Variants in METTL24 observed in about 807,000 individuals in gnomAD.
The protein encoded by METTL24 is probable methyltransferase-like protein 24.
In METTL24, 29 loss-of-function variants were observed where a neutral mutation model predicts 32.7. That is an observed-to-expected ratio of 0.89 (90% confidence interval 0.66 to 1.21). The LOEUF (loss-of-function observed/expected upper bound fraction) is 1.21. Ranked by LOEUF, METTL24 falls within the 50% of genes most tolerant of loss-of-function variation. The pLI is 0.00. For missense variants in METTL24, 439 were observed against 468.1 expected (o/e 0.94, Z 0.57); for synonymous variants, 163 against 179.5 (o/e 0.91, Z 0.73).
intron 1 of METTL24, among the ~76,000 whole-genome samples, chr6:110,325,990 G>T (rs763249762): frequency 7.2e-5 from 11 of 152,178 alleles, no homozygotes; most frequent in Non-Finnish European, 1.3e-4. Context: ...GGCCTCAAAG[G>T]CGAGTTCTCT....
chr6:110,324,010 G>T (rs183330553), intron 1 of METTL24, among the ~76,000 whole-genome samples: 8 of 152,262 alleles, frequency 5.3e-5, no homozygotes, highest in African/African-American at 1.7e-4. Flanking sequence ...CAGGCCAGCC[G>T]TGAGATGCTT....
rs149220427 is a variant in METTL24 at position 110,286,103 on chromosome 6, T to C, written c.786+12819A>G. Among the ~76,000 whole-genome samples the C allele has an allele frequency of 3.1e-3, 477 of 152,326 alleles. 3 individuals are homozygous for C. Among genetic ancestry groups the C allele is most frequent in the African/African-American group, 0.01 (428 of 41,592 alleles). On this transcript the variant is annotated intron_variant, in intron 4 of 4. Transcript: ENST00000338882. ...AACATTCTCCAGTGGCAAGGGTTCA[T>C]ATCATGCACCTTACAATAGGAGAAA... is the stretch of plus-strand genomic sequence containing the variant.
At chr6:110,333,579 C>T (rs6919817) in intron 1 of METTL24, among the ~76,000 whole-genome samples, 3,157 of 152,122 alleles carry the variant, frequency 0.021, 104 homozygotes, top group African/African-American at 0.072. Flanking sequence ...CTCAGCTTCC[C>T]GAGTAGCTGG....
chr6:110,248,616 A>G (rs1483580461), intron 4 of METTL24, among the ~76,000 whole-genome samples: 1 of 152,068 alleles, frequency 6.6e-6, no homozygotes. Context: ...AATACACACC[A>G]GGCTAAAATA....
chr6:110,351,581 A>C (rs1772604460), intron 1 of METTL24, among the ~76,000 whole-genome samples: 2 of 152,246 alleles, frequency 1.3e-5, no homozygotes, highest in Non-Finnish European at 2.9e-5. Flanking sequence ...TGAGAAAAAC[A>C]AAAACCTAAG....
At position 110,245,287 on chromosome 6, in the gene METTL24, G is replaced by T. The variant is rs539574000; in HGVS notation, c.*659C>A. Among the ~76,000 whole-genome samples, 2 of 152,268 alleles carry T rather than the reference G, an allele frequency of 1.3e-5. No individual in the cohort carries two copies. The highest frequency in any genetic ancestry group is 6.5e-5 in the Admixed American group (1 of 15,292). ...TCTTCAAGCTGGGACATGGGTCTTG[G>T]TGAGGTCAAGACCTTCAGACTTGGT... On this transcript the variant is annotated 3_prime_UTR_variant, in exon 5 of 5. Transcript: ENST00000338882.
chr6:110,349,012 C>T (rs1772538808), intron 1 of METTL24, among the ~76,000 whole-genome samples: 2 of 152,184 alleles, frequency 1.3e-5, no homozygotes, highest in South Asian at 2.1e-4. Context: ...TTTTAGATCT[C>T]GGTCCCCTGA....
intron 1 of METTL24, among the ~76,000 whole-genome samples, chr6:110,346,904 A>G (rs1772487415): frequency 6.6e-6 from 1 of 152,096 alleles, no homozygotes; most frequent in Non-Finnish European, 1.5e-5. Context: ...CTTATTAATC[A>G]TCGTTATATG....
At chr6:110,324,037 T>A (rs1394675182) in intron 1 of METTL24, among the ~76,000 whole-genome samples, 1 of 152,078 alleles carries the variant, frequency 6.6e-6, no homozygotes, top group Non-Finnish European at 1.5e-5. Context: ...AAATGTGGTT[T>A]GTTGCCCCTA....
At chr6:110,302,611 A>ATG (rs760348447) in intron 3 of METTL24, among the ~76,000 whole-genome samples, 1 of 120,742 alleles carries the variant, frequency 8.3e-6, no homozygotes, top group Admixed American at 7.7e-5. Flanking sequence ...ACACACACAT[A>ATG]TGTGTATATA....
chr6:110,288,153 C>T (rs535166703), intron 4 of METTL24, among the ~76,000 whole-genome samples: 22 of 152,272 alleles, frequency 1.4e-4, no homozygotes, highest in African/African-American at 5.1e-4. Flanking sequence ...GCAGGGACTG[C>T]GTTCAAGTCT....
intron 1 of METTL24, among the ~76,000 whole-genome samples, chr6:110,331,489 T>C (rs1390944889): frequency 6.6e-6 from 1 of 151,654 alleles, no homozygotes; most frequent in Non-Finnish European, 1.5e-5. Context: ...CGAGACCCTG[T>C]CTCTACAAAA....
chr6:110,328,441 A>G (rs1772053491), intron 1 of METTL24, among the ~76,000 whole-genome samples: 1 of 152,200 alleles, frequency 6.6e-6, no homozygotes, highest in African/African-American at 2.4e-5. Context: ...TTTAGTGGCT[A>G]TTTTGCAGAT....
intron 1 of METTL24, among the ~76,000 whole-genome samples, chr6:110,330,856 A>G (rs1169416261): frequency 6.6e-6 from 1 of 152,186 alleles, no homozygotes; most frequent in Non-Finnish European, 1.5e-5. Context: ...TAATATTCAA[A>G]TTTTCAGGAT....
At chr6:110,345,166 A>G (rs1772445950) in intron 1 of METTL24, among the ~76,000 whole-genome samples, 1 of 152,262 alleles carries the variant, frequency 6.6e-6, no homozygotes, top group African/African-American at 2.4e-5. Flanking sequence ...CAGCAAGCAT[A>G]TGAAAAAAAA....
rs1050799331 is a variant in METTL24 at position 110,342,304 on chromosome 6, G to A, written c.318+15651C>T. Among the ~76,000 whole-genome samples the A allele has an allele frequency of 3.6e-4, 55 of 152,156 alleles. 1 individual carries two copies. The highest frequency in any genetic ancestry group is 1.2e-3 in the African/African-American group (49 of 41,426). ...ATGCCTGGGGAGCTGTTGGGAGAGG[G>A]AGCACCATGAAGTTCACCAGCAGCC... On this transcript the variant is annotated intron_variant, in intron 1 of 4. Coordinates refer to ENST00000338882, the MANE Select transcript of METTL24 (RefSeq NM_001123364.3).
intron 4 of METTL24, among the ~76,000 whole-genome samples, chr6:110,266,681 GA>G (rs1450764155): frequency 6.6e-6 from 1 of 152,038 alleles, no homozygotes; most frequent in Non-Finnish European, 1.5e-5. Flanking sequence ...CCTTTGGGCT[GA>G]AAAATCTCAG....
chr6:110,320,314 C>T (rs532664448), intron 2 of METTL24, among the ~76,000 whole-genome samples: 8 of 152,120 alleles, frequency 5.3e-5, no homozygotes, highest in Non-Finnish European at 1.2e-4. Flanking sequence ...TAATATTCTG[C>T]CAGTTTCGTA....
chr6:110,260,305 C>G (rs1778469556), intron 4 of METTL24, among the ~76,000 whole-genome samples: 1 of 152,188 alleles, frequency 6.6e-6, no homozygotes, highest in Non-Finnish European at 1.5e-5. Flanking sequence ...GGCACGAGAA[C>G]TACGTGATGA....
Sources: gnomAD v4.1 joint callset for allele counts (sites outside exome capture counted in the v4.1 genomes callset) on GRCh38, gnomAD v4.1.1 for gene constraint, MANE v1.5 for transcripts, NCBI Gene and HGNC (gene_info 2026-07-23, HGNC 2026-07-21) for gene names.